ESRRG: variants seen among roughly 807,000 people sequenced by gnomAD.
ESRRG encodes estrogen related receptor gamma, also known as estrogen-related receptor gamma.
Under a neutral mutation model 44.0 loss-of-function variants are expected in ESRRG, and 13 were observed. The observed-to-expected ratio is 0.30, with a 90% CI of 0.19 to 0.47. ESRRG has a LOEUF of 0.47. Among genes scored for constraint, ESRRG ranks in the 20% least tolerant of loss-of-function variants. ESRRG has a pLI of 1.00. For synonymous variants in ESRRG, 215 were observed against 214.6 expected (o/e 1.00, Z -0.02); for missense variants, 395 against 580.6 (o/e 0.68, Z 3.29).
intron 1 of ESRRG, among the ~76,000 whole-genome samples, chr1:216,959,117 T>C (rs1261529711): frequency 6.6e-6 from 1 of 152,060 alleles, no homozygotes; most frequent in Non-Finnish European, 1.5e-5. Context: ...CTTCCTATTA[T>C]TTATAGTTTA....
chr1:217,033,866 A>T (rs35701761), intron 1 of ESRRG, among the ~76,000 whole-genome samples: 23,374 of 152,180 alleles, frequency 0.15, 2,342 homozygotes, highest in Non-Finnish European at 0.2. Flanking sequence ...CTGTTATTTC[A>T]CAGATGTGAA....
At chr1:217,096,517 C>T (rs184293544) in intron 1 of ESRRG, among the ~76,000 whole-genome samples, 43 of 152,294 alleles carry the variant, frequency 2.8e-4, no homozygotes, top group African/African-American at 9.4e-4. Context: ...TGGATTTCCT[C>T]TTAGTAACTG....
In ESRRG at chr1:216,503,547, C is replaced by G. The variant is rs2040690862; in HGVS notation, c.*3392G>C. 4 of 152,296 alleles carry G rather than the reference C, an allele frequency of 2.6e-5. No homozygotes were observed. The highest frequency in any genetic ancestry group is 2.6e-4 in the Admixed American group (4 of 15,238). 9.4% of individuals were successfully genotyped at this position (152,296 alleles called of 1,614,324 possible). On this transcript the variant is annotated 3_prime_UTR_variant, in exon 7 of 7. Coordinates refer to ENST00000408911, the MANE Select transcript of ESRRG (RefSeq NM_001438.4). The stretch of plus-strand genomic sequence containing the variant: ...TTTACTACTGGCTATAATGCAACTC[C>G]TGGATTATTATAAGCAGTTTAAATT...
chr1:217,133,421 C>A (rs937413225), intron 1 of ESRRG, among the ~76,000 whole-genome samples: 1 of 152,260 alleles, frequency 6.6e-6, no homozygotes, highest in African/African-American at 2.4e-5. Context: ...TGGGAGCCCA[C>A]GCTCGGGCCT....
intron 2 of ESRRG, among the ~76,000 whole-genome samples, chr1:216,769,856 G>A (rs1387363845): frequency 6.6e-6 from 1 of 152,118 alleles, no homozygotes; most frequent in Non-Finnish European, 1.5e-5. Context: ...ACAAAGATAT[G>A]AGGTGGTATG....
intron 1 of ESRRG, among the ~76,000 whole-genome samples, chr1:217,023,758 CA>C (rs1288910426): frequency 6.6e-6 from 1 of 152,088 alleles, no homozygotes; most frequent in African/African-American, 2.4e-5. Flanking sequence ...ACCCTTGCCC[CA>C]AAAACTAAAG....
At chr1:216,523,848 A>C (rs1234852518) in intron 5 of ESRRG, among the ~76,000 whole-genome samples, 2 of 147,510 alleles carry the variant, frequency 1.4e-5, no homozygotes, top group African/African-American at 2.5e-5. Flanking sequence ...CTGTTCCACA[A>C]AAAAAAAAAA....
chr1:217,020,015 C>G (rs1023965056), intron 1 of ESRRG, among the ~76,000 whole-genome samples: 1 of 152,138 alleles, frequency 6.6e-6, no homozygotes, highest in Non-Finnish European at 1.5e-5. Flanking sequence ...TCTGGTATCC[C>G]TAATACTACT....
At chr1:216,753,161 T>A (rs2092186872) in intron 2 of ESRRG, among the ~76,000 whole-genome samples, 1 of 99,506 alleles carries the variant, frequency 1.0e-5, no homozygotes. Context: ...AAGGACCATA[T>A]ATCTATATAT....
At chr1:216,657,049 T>G (rs559976131) in intron 2 of ESRRG, among the ~76,000 whole-genome samples, 178 of 152,286 alleles carry the variant, frequency 1.2e-3, no homozygotes, top group Non-Finnish European at 1.8e-3. Flanking sequence ...GAAAGAAAAC[T>G]CTGTCTTTAT....
chr1:216,643,966 A>T (rs1044094931), intron 3 of ESRRG, among the ~76,000 whole-genome samples: 1 of 151,942 alleles, frequency 6.6e-6, no homozygotes, highest in Non-Finnish European at 1.5e-5. Context: ...AGCAGGAAAG[A>T]CCTCTTATTT....
At chr1:216,815,953 C>T (rs2095123433) in intron 2 of ESRRG, among the ~76,000 whole-genome samples, 1 of 152,098 alleles carries the variant, frequency 6.6e-6, no homozygotes, top group African/African-American at 2.4e-5. Flanking sequence ...AAGTGGCTTC[C>T]AGAGGAAAAT....
At chr1:216,755,342 T>G (rs1411943311) in intron 2 of ESRRG, among the ~76,000 whole-genome samples, 1 of 151,918 alleles carries the variant, frequency 6.6e-6, no homozygotes, top group Non-Finnish European at 1.5e-5. Context: ...TTGCCTTCAT[T>G]CCACCTAGAC....
upstream of ESRRG, chr1:216,723,499 T>C (rs1407840922): frequency 1.8e-6 from 1 of 561,630 alleles, no homozygotes; most frequent in Non-Finnish European, 3.2e-6. Context: ...GCTTTACATA[T>C]GCAGTCCCAC....
intron 1 of ESRRG, among the ~76,000 whole-genome samples, chr1:216,963,214 T>A (rs776918061): frequency 2.0e-5 from 3 of 152,082 alleles, no homozygotes; most frequent in Non-Finnish European, 2.9e-5. Context: ...AGGAAATGAG[T>A]CTATGAAATT....
intron 5 of ESRRG, among the ~76,000 whole-genome samples, chr1:216,532,690 G>A (rs903879553): frequency 6.6e-6 from 1 of 152,114 alleles, no homozygotes; most frequent in African/African-American, 2.4e-5. Context: ...AATTTACTCT[G>A]AGCACCAGCT....
chr1:216,661,860 TG>T (rs1182293486), intron 2 of ESRRG, among the ~76,000 whole-genome samples: 1 of 152,172 alleles, frequency 6.6e-6, no homozygotes, highest in African/African-American at 2.4e-5. Flanking sequence ...TAATGGTAAT[TG>T]ATCTGTGTGT....
chr1:216,701,318 G>A (rs1178899159), intron 1 of ESRRG: 1 of 152,100 alleles, frequency 6.6e-6, no homozygotes, highest in Non-Finnish European at 1.5e-5. Context: ...TTTAAAACCT[G>A]CACCCAATAT....
chr1:216,963,466 C>T (rs2069558935), intron 1 of ESRRG, among the ~76,000 whole-genome samples: 1 of 152,106 alleles, frequency 6.6e-6, no homozygotes, highest in South Asian at 2.1e-4. Context: ...TAAAGACAGG[C>T]TTAAACCATG....
Sources: allele counts gnomAD v4.1 joint callset (sites outside exome capture counted in the v4.1 genomes callset), GRCh38; gene constraint gnomAD v4.1.1; transcripts MANE v1.5; gene names NCBI Gene and HGNC (gene_info 2026-07-23, HGNC 2026-07-21).